The following KLRG1 variants were observed in gnomAD, a reference collection of about 807,000 sequenced individuals.
The protein encoded by KLRG1 is killer cell lectin-like receptor subfamily G member 1.
In KLRG1, 16 loss-of-function variants were observed where a neutral mutation model predicts 21.8. That is an observed-to-expected ratio of 0.73 (90% CI 0.50 to 1.11). The LOEUF (loss-of-function observed/expected upper bound fraction) is 1.11. KLRG1 is among the 50% of genes most tolerant of loss of function. The probability of loss-of-function intolerance (pLI) is 0.00; values close to 1 mark genes in which losing one functional copy is unlikely to be tolerated. For missense variants in KLRG1, 173 were observed against 218.3 expected (o/e 0.79, Z 1.31); for synonymous variants, 69 against 75.9 (o/e 0.91, Z 0.47).
At chr12:9,072,528 C>T in the KLRG1 span, 1 of 1,602,236 alleles carries the variant, frequency 6.2e-7, no homozygotes, top group South Asian at 1.1e-5. Context: ...TGCCCTTTCC[C>T]AGAATTCCTG....
At position 8,992,272 on chromosome 12, in the gene KLRG1, T is replaced by C. The variant is rs1946994419; in HGVS notation, c.149T>C (p.Leu50Pro). Residue 50 changes from leucine to proline, a missense_variant, in exon 2 of 5, where the codon CTT becomes CCT. Coordinates refer to ENST00000356986, the MANE Select transcript of KLRG1 (RefSeq NM_005810.4). ...AIALGLLTAV[L>P]LSVLLYQWIL... ...GCTTTGGGGCTTCTGACTGCAGTTC[T>C]TCTGAGTGTGCTGCTATACCAGTGG... is the stretch of plus-strand genomic sequence containing the variant. The C allele has an allele frequency of 6.2e-7, 1 of 1,613,934 alleles. No homozygotes were observed. Among genetic ancestry groups the C allele is most frequent in the East Asian group, 2.2e-5 (1 of 44,868 alleles).
the KLRG1 span, chr12:9,064,364 A>G: frequency 1.3e-5 from 2 of 153,132 alleles, no homozygotes; most frequent in Middle Eastern, 7.0e-4. This position sits in a 1 kb window ranked among gnomAD's most constrained non-coding sequence, Gnocchi z 4.0. Context: ...GCGGCGGCGG[A>G]GCAGCTGCGG....
In KLRG1 at chr12:8,989,568, T is replaced by G; in HGVS notation, c.-68T>G. The G allele has an allele frequency of 1.0e-6, 1 of 985,052 alleles. No individual in the cohort carries two copies. The highest frequency in any genetic ancestry group is 1.6e-6 in the Non-Finnish European group (1 of 635,326). The allele number at this position is 985,052 out of a possible 1,614,324, so 61.0% of individuals were successfully genotyped here. On this transcript the variant is annotated 5_prime_UTR_variant, in exon 1 of 5. Coordinates refer to ENST00000356986, the MANE Select transcript of KLRG1 (RefSeq NM_005810.4). ...TTTAGAGATTGGGCTGTTTCCTCAC[T>G]GATACATATCCCTTCACACTTCTAT...
At chr12:8,986,570 T>G (rs1490901896), upstream of KLRG1, among the ~76,000 whole-genome samples, 2 of 152,032 alleles carry the variant, frequency 1.3e-5, no homozygotes, top group African/African-American at 4.8e-5. Context: ...CCTGATATGC[T>G]CCCATCTTTT....
At chr12:9,143,120 T>A in the KLRG1 span, among the ~76,000 whole-genome samples, 3 of 152,136 alleles carry the variant, frequency 2.0e-5, no homozygotes, top group East Asian at 3.8e-4. Context: ...AGGGTTGAGG[T>A]TAGAATTATG....
the KLRG1 span, chr12:9,079,621 A>C: frequency 6.2e-7 from 1 of 1,604,706 alleles, no homozygotes; most frequent in Non-Finnish European, 8.5e-7. Flanking sequence ...GTTTTCCCTT[A>C]CTCAAGTAAT....
chr12:9,124,520 C>T, the KLRG1 span, among the ~76,000 whole-genome samples: 60 of 152,348 alleles, frequency 3.9e-4, no homozygotes, highest in Non-Finnish European at 7.9e-4. Context: ...GGGCCTACTG[C>T]TCCACTGAGC....
the KLRG1 span, chr12:9,166,024 G>A: frequency 6.3e-7 from 1 of 1,580,392 alleles, no homozygotes; most frequent in Non-Finnish European, 8.6e-7. Context: ...CTCCCCTCCA[G>A]CAAATGGAGG....
chr12:8,969,165 A>G (rs923221824), intron 1 of KLRG1, among the ~76,000 whole-genome samples: 4 of 152,130 alleles, frequency 2.6e-5, no homozygotes, highest in African/African-American at 4.8e-5. Context: ...TCCAGGCAAA[A>G]CCGTGTCTGG....
intron 1 of KLRG1, among the ~76,000 whole-genome samples, chr12:8,976,399 G>A (rs1946658016): frequency 6.6e-6 from 1 of 152,188 alleles, no homozygotes; most frequent in African/African-American, 2.4e-5. Context: ...CTATCCTGGA[G>A]AATGTTCTCT....
At chr12:9,095,458 G>T in the KLRG1 span, 1 of 1,347,774 alleles carries the variant, frequency 7.4e-7, no homozygotes, top group Non-Finnish European at 1.0e-6. Context: ...AGGACATGAA[G>T]GCATTCAAAT....
chr12:9,070,368 A>C, the KLRG1 span: 53 of 716,966 alleles, frequency 7.4e-5, no homozygotes, highest in South Asian at 9.4e-4. Context: ...TGAGCTGGAA[A>C]AAGGATAAGG....
chr12:8,961,267 T>C (rs1336335451), intron 1 of KLRG1, among the ~76,000 whole-genome samples: 1 of 152,186 alleles, frequency 6.6e-6, no homozygotes, highest in Non-Finnish European at 1.5e-5. Flanking sequence ...CTAATATTTG[T>C]GAAACTTGGC....
chr12:9,001,374 T>C (rs1947301769), intron 3 of KLRG1, among the ~76,000 whole-genome samples: 1 of 152,176 alleles, frequency 6.6e-6, no homozygotes, highest in Non-Finnish European at 1.5e-5. Flanking sequence ...TTTCTTTCTG[T>C]GTATTGGCTG....
chr12:8,995,928 C>T (rs1430575890), intron 3 of KLRG1, among the ~76,000 whole-genome samples: 5 of 151,978 alleles, frequency 3.3e-5, no homozygotes, highest in African/African-American at 9.7e-5. Flanking sequence ...GTGATCTGCC[C>T]GCCTCGGCCT....
upstream of KLRG1, among the ~76,000 whole-genome samples, chr12:8,985,488 A>T (rs1423808379): frequency 6.6e-6 from 1 of 152,078 alleles, no homozygotes; most frequent in Non-Finnish European, 1.5e-5. Context: ...CATTTCAGGG[A>T]TTCAATATGC....
chr12:8,967,191 G>A (rs747883738), intron 1 of KLRG1, among the ~76,000 whole-genome samples: 27 of 120,510 alleles, frequency 2.2e-4, no homozygotes, highest in African/African-American at 7.7e-4. Context: ...GTTGTGGGGT[G>A]GGGGGAGGGG....
intron 1 of KLRG1, among the ~76,000 whole-genome samples, chr12:8,951,127 C>T (rs1403701250): frequency 6.6e-6 from 1 of 152,100 alleles, no homozygotes; most frequent in Non-Finnish European, 1.5e-5. Flanking sequence ...CATACATAAA[C>T]TCACCAGGAG....
At chr12:9,023,694 C>A in the KLRG1 span, among the ~76,000 whole-genome samples, 1 of 151,642 alleles carries the variant, frequency 6.6e-6, no homozygotes, top group Non-Finnish European at 1.5e-5. Flanking sequence ...TAGCTGGAAC[C>A]ACAGGTGAAT....
Sources: gnomAD v4.1 joint callset for allele counts (sites outside exome capture counted in the v4.1 genomes callset) on GRCh38, gnomAD v4.1.1 for gene constraint, Gnocchi (gnomAD v3.1) non-coding constraint, MANE v1.5 for transcripts, NCBI Gene and HGNC (gene_info 2026-07-23, HGNC 2026-07-21) for gene names.